Variants in PLPPR1 observed in about 807,000 individuals in gnomAD.
PLPPR1 encodes phospholipid phosphatase-related protein type 1.
In PLPPR1, 10 loss-of-function variants were observed where a neutral mutation model predicts 33.1. The ratio of observed to expected loss-of-function variants is 0.30; its 90% CI spans 0.19 to 0.51. The LOEUF is 0.51. Among genes scored for constraint, PLPPR1 ranks in the 20% least tolerant of loss-of-function variants. PLPPR1 has a pLI of 0.97. For synonymous variants in PLPPR1, 151 were observed against 151.0 expected (o/e 1.00, Z 0.00); for missense variants, 304 against 408.1 (o/e 0.74, Z 2.20).
chr9:101,247,126 T>G (rs1827625142), intron 2 of PLPPR1, among the ~76,000 whole-genome samples: 1 of 151,910 alleles, frequency 6.6e-6, no homozygotes, highest in Non-Finnish European at 1.5e-5. Context: ...TAATTTACCA[T>G]AAAACCACAC....
At chr9:101,122,565 C>G (rs1227713575) in intron 1 of PLPPR1, among the ~76,000 whole-genome samples, 2 of 152,220 alleles carry the variant, frequency 1.3e-5, no homozygotes, top group South Asian at 2.1e-4. Context: ...AAAACAAAAA[C>G]AGTTTCAAAG....
At chr9:101,134,772 A>G (rs1362216994) in intron 1 of PLPPR1, among the ~76,000 whole-genome samples, 6 of 152,176 alleles carry the variant, frequency 3.9e-5, no homozygotes, top group African/African-American at 9.7e-5. Context: ...GATGGATTCT[A>G]CTTCTAGTCC....
intron 2 of PLPPR1, among the ~76,000 whole-genome samples, chr9:101,198,614 C>A (rs940426082): frequency 2.6e-5 from 4 of 152,282 alleles, no homozygotes; most frequent in South Asian, 4.1e-4. Context: ...AGCCTAGGGT[C>A]TGCAAAGATC....
intron 1 of PLPPR1, among the ~76,000 whole-genome samples, chr9:101,081,078 T>A (rs1279138690): frequency 6.6e-6 from 1 of 152,170 alleles, no homozygotes; most frequent in East Asian, 1.9e-4. Context: ...CACCCATCCT[T>A]CCATTCTCTA....
chr9:101,216,639 C>T (rs1478631874), intron 2 of PLPPR1, among the ~76,000 whole-genome samples: 2 of 152,144 alleles, frequency 1.3e-5, no homozygotes, highest in Non-Finnish European at 2.9e-5. Context: ...AGAGAATCTG[C>T]CCTTAATGGC....
intron 1 of PLPPR1, among the ~76,000 whole-genome samples, chr9:101,169,764 C>G (rs1825912705): frequency 6.6e-6 from 1 of 151,940 alleles, no homozygotes; most frequent in Admixed American, 6.6e-5. Flanking sequence ...AATGAAGTCC[C>G]AGAGGTAGAA....
chr9:101,224,104 A>G (rs932019652), intron 2 of PLPPR1, among the ~76,000 whole-genome samples: 16 of 152,088 alleles, frequency 1.1e-4, no homozygotes, highest in African/African-American at 3.9e-4. Context: ...TAGGGGAGCT[A>G]TTGTGAGGAA....
chr9:101,093,537 A>G (rs1830776033), intron 1 of PLPPR1, among the ~76,000 whole-genome samples: 1 of 152,218 alleles, frequency 6.6e-6, no homozygotes, highest in Non-Finnish European at 1.5e-5. Flanking sequence ...AAGTCATGTA[A>G]TTAGTTCCTT....
At chr9:101,054,312 C>G (rs1830257156) in intron 1 of PLPPR1, among the ~76,000 whole-genome samples, 1 of 152,034 alleles carries the variant, frequency 6.6e-6, no homozygotes, top group Non-Finnish European at 1.5e-5. Flanking sequence ...ACTTAATACC[C>G]CAAGTAGCCT....
intron 4 of PLPPR1, among the ~76,000 whole-genome samples, chr9:101,308,279 A>G (rs1266787795): frequency 6.6e-6 from 1 of 152,208 alleles, no homozygotes; most frequent in African/African-American, 2.4e-5. Context: ...AGGAGATACA[A>G]CAGTGAAGGC....
chr9:101,061,793 T>C (rs1170950136), intron 1 of PLPPR1, among the ~76,000 whole-genome samples: 1 of 152,012 alleles, frequency 6.6e-6, no homozygotes, highest in Non-Finnish European at 1.5e-5. Context: ...ATTTATGGAA[T>C]AAATGAACAA....
At position 101,109,937 on chromosome 9, in the gene PLPPR1, T is replaced by C. The variant is rs907897696; in HGVS notation, c.-45-75513T>C. The stretch of plus-strand genomic sequence containing the variant: ...CAAATGGCCATTGTGTGGTGCTGAG[T>C]GACTCTGCTTTAGGAAAGGTGGGGA... On this transcript the variant is annotated intron_variant, in intron 1 of 7. Transcript: ENST00000374874. Among the ~76,000 whole-genome samples the C allele has an allele frequency of 2.6e-5, 4 of 152,178 alleles. No individual in the cohort carries two copies. In the South Asian group the frequency reaches 8.3e-4, roughly 31 times the overall value.
In PLPPR1 at chr9:101,234,216, TC is replaced by T. The variant is rs1291958664; in HGVS notation, c.64-35658del. 9.2e-5 allele frequency among the ~76,000 whole-genome samples: 14 copies of T among 151,912 alleles called. No individual in the cohort carries two copies. In the East Asian group the frequency reaches 2.7e-3, roughly 30 times the overall value. ...AACATGGAGCCAAGGTGTTGTTTTCTCCCCCCTACTGTTTGTAACATACACA... is the reference window on the plus strand; with the variant it reads ...AACATGGAGCCAAGGTGTTGTTTTCTCCCCCTACTGTTTGTAACATACACA... On this transcript the variant is annotated intron_variant, in intron 2 of 7. Coordinates refer to ENST00000374874, the MANE Select transcript of PLPPR1 (RefSeq NM_207299.2).
At chr9:101,130,959 C>T (rs1040522168) in intron 1 of PLPPR1, among the ~76,000 whole-genome samples, 2 of 151,982 alleles carry the variant, frequency 1.3e-5, no homozygotes, top group African/African-American at 4.8e-5. Flanking sequence ...CATCTATAAA[C>T]CTGAGTTTAT....
intron 1 of PLPPR1, among the ~76,000 whole-genome samples, chr9:101,097,203 A>G (rs1295901999): frequency 1.3e-5 from 2 of 152,290 alleles, no homozygotes; most frequent in South Asian, 4.1e-4. Context: ...GATTCAGCAG[A>G]TTAAGGGTGA....
intron 1 of PLPPR1, among the ~76,000 whole-genome samples, chr9:101,060,581 T>G (rs1005651325): frequency 2.7e-4 from 41 of 152,066 alleles, no homozygotes; most frequent in African/African-American, 9.6e-4. Flanking sequence ...CATGAATATG[T>G]ATAACTTTTA....
chr9:101,068,007 G>A (rs756131475), intron 1 of PLPPR1, among the ~76,000 whole-genome samples: 10 of 152,106 alleles, frequency 6.6e-5, no homozygotes, highest in South Asian at 2.1e-4. Context: ...ATGCTGAGAA[G>A]GTACTCAGTT....
chr9:101,198,170 C>T (rs890886827), intron 2 of PLPPR1, among the ~76,000 whole-genome samples: 3 of 152,012 alleles, frequency 2.0e-5, no homozygotes, highest in Non-Finnish European at 4.4e-5. Context: ...TAGCTCTGGC[C>T]AGCATACCCA....
At chr9:101,140,379 A>G (rs1258391708) in intron 1 of PLPPR1, among the ~76,000 whole-genome samples, 2 of 151,234 alleles carry the variant, frequency 1.3e-5, no homozygotes, top group Non-Finnish European at 2.9e-5. Flanking sequence ...GAAAAGTTGT[A>G]GGTATTTGAA....
Sources: gnomAD v4.1 joint callset for allele counts (sites outside exome capture counted in the v4.1 genomes callset) on GRCh38, gnomAD v4.1.1 for gene constraint, MANE v1.5 for transcripts, NCBI Gene and HGNC (gene_info 2026-07-23, HGNC 2026-07-21) for gene names.